Variants in IMMP2L observed in about 807,000 individuals in gnomAD.
IMMP2L encodes inner mitochondrial membrane peptidase subunit 2.
A neutral mutation model predicts 19.3 loss-of-function variants in IMMP2L; 18 were observed. That is an observed-to-expected ratio of 0.93 (90% CI 0.64 to 1.38). The LOEUF is 1.38. Ranked by LOEUF, IMMP2L falls within the 40% of genes most tolerant of loss-of-function variation. The probability of loss-of-function intolerance (pLI) is 0.00; values close to 1 mark genes in which losing one functional copy is unlikely to be tolerated. For missense variants in IMMP2L, 233 were observed against 218.2 expected, an observed-to-expected ratio of 1.07 and a Z score of -0.43; for synonymous variants, 76 against 73.0, an observed-to-expected ratio of 1.04 and a Z score of -0.21.
At chr7:111,369,582 T>C (rs538531512) in intron 3 of IMMP2L, among the ~76,000 whole-genome samples, 17 of 151,978 alleles carry the variant, frequency 1.1e-4, no homozygotes, top group African/African-American at 4.1e-4. Context: ...GAAACCAATA[T>C]ATCAATAGAA....
At chr7:111,203,127 T>A (rs530374647) in intron 3 of IMMP2L, among the ~76,000 whole-genome samples, 1 of 152,172 alleles carries the variant, frequency 6.6e-6, no homozygotes, top group Non-Finnish European at 1.5e-5. Context: ...TTCAAAGGGA[T>A]GATAGTTCAT....
intron 5 of IMMP2L, among the ~76,000 whole-genome samples, chr7:110,829,949 A>G (rs1402490056): frequency 6.6e-6 from 1 of 152,168 alleles, no homozygotes; most frequent in Non-Finnish European, 1.5e-5. Flanking sequence ...CCAAAGAGAA[A>G]GGATATTATG....
chr7:111,371,083 T>C (rs1384318296), intron 3 of IMMP2L, among the ~76,000 whole-genome samples: 4 of 151,918 alleles, frequency 2.6e-5, no homozygotes, highest in South Asian at 4.1e-4. Flanking sequence ...TGCCAGGTGA[T>C]GGAGGGGCTA....
chr7:111,353,997 T>G (rs1171006442), intron 3 of IMMP2L, among the ~76,000 whole-genome samples: 4 of 152,030 alleles, frequency 2.6e-5, no homozygotes, highest in African/African-American at 9.7e-5. Context: ...TAAGGAGACA[T>G]ATAATTGAAG....
Position 111,023,528 on chromosome 7 carries a change from T to TG in IMMP2L, c.240-59964dup, listed in dbSNP as rs111400798. 5.5e-4 allele frequency among the ~76,000 whole-genome samples: 79 copies of TG among 143,134 alleles called. 1 individual carries two copies. The highest frequency in any genetic ancestry group is 1.9e-3 in the African/African-American group (74 of 38,218). The allele number at this position is 143,134 out of a possible 152,430, so 93.9% of individuals were successfully genotyped here. A position where few individuals can be genotyped will look rare whatever the true frequency, so the allele number is the denominator to read the frequency against. On this transcript the variant is annotated intron_variant, in intron 3 of 5. Transcript: ENST00000405709. Reference sequence around the variant, plus strand: ...CCAGCCTGGCCAAATCGTGAAACCCTGTCTACTAAAAATACAAAAAAAAAA... The same window carrying TG: ...CCAGCCTGGCCAAATCGTGAAACCCTGGTCTACTAAAAATACAAAAAAAAAA...
chr7:111,404,685 C>G (rs1021466419), intron 3 of IMMP2L, among the ~76,000 whole-genome samples: 1 of 152,040 alleles, frequency 6.6e-6, no homozygotes, highest in African/African-American at 2.4e-5. Context: ...TCCCAACACC[C>G]TAAAAATAAA....
rs140805511 is a variant in IMMP2L at position 110,749,445 on chromosome 7, C to T, written c.409-85724G>A. ...ATTATACTATAAAGACACATGCAAA[C>T]GTTATGTTTATTGTGGCACTGTTCA... is the stretch of plus-strand genomic sequence containing the variant. On this transcript the variant is annotated intron_variant, in intron 5 of 5. Transcript: ENST00000405709. Among the ~76,000 whole-genome samples the T allele has an allele frequency of 1.1e-3, 172 of 152,138 alleles. 1 individual carries two copies. The highest frequency in any genetic ancestry group is 3.8e-3 in the African/African-American group (158 of 41,510).
intron 5 of IMMP2L, among the ~76,000 whole-genome samples, chr7:110,781,230 T>C (rs1799719224): frequency 6.6e-6 from 1 of 151,878 alleles, no homozygotes; most frequent in South Asian, 2.1e-4. Context: ...ATTTATTAAA[T>C]TGGGAGTTGA....
chr7:110,965,214 A>C (rs768189884), intron 3 of IMMP2L, among the ~76,000 whole-genome samples: 2 of 152,054 alleles, frequency 1.3e-5, no homozygotes, highest in Non-Finnish European at 2.9e-5. Context: ...ATGATCATTT[A>C]ATATGTATTT....
At chr7:111,340,650 A>T (rs1199887574) in intron 3 of IMMP2L, among the ~76,000 whole-genome samples, 1 of 152,130 alleles carries the variant, frequency 6.6e-6, no homozygotes, top group Non-Finnish European at 1.5e-5. Context: ...GGAAAGTTCA[A>T]GCATTTGTAA....
rs567015151 is a variant in IMMP2L at position 110,817,817 on chromosome 7, C to A, written c.408+68776G>T. Among the ~76,000 whole-genome samples, 5 of 152,258 alleles carry A rather than the reference C, an allele frequency of 3.3e-5. No individual in the cohort carries two copies. In the East Asian group the frequency reaches 9.7e-4, roughly 30 times the overall value. ...CCTCAGAAATAACGCCGCATATCTA[C>A]AACCATCTGATCTTTGACAAACCTG... On this transcript the variant is annotated intron_variant, in intron 5 of 5. Coordinates refer to ENST00000405709, the MANE Select transcript of IMMP2L (RefSeq NM_032549.4).
intron 3 of IMMP2L, among the ~76,000 whole-genome samples, chr7:111,266,934 A>T (rs1292646190): frequency 6.6e-6 from 1 of 152,120 alleles, no homozygotes. Context: ...TCAGATGAAG[A>T]AAGCAAAGTC....
rs537369556 is a variant in IMMP2L at position 110,802,541 on chromosome 7, G to A, written c.408+84052C>T. Among the ~76,000 whole-genome samples the A allele has an allele frequency of 1.7e-4, 26 of 152,032 alleles. 1 individual carries two copies. In the South Asian group the frequency reaches 2.9e-3, roughly 17 times the overall value. On this transcript the variant is annotated intron_variant, in intron 5 of 5. Transcript: ENST00000405709. ...AATACTTAGACTATGAAGAACTCAT[G>A]TTCTTAGGAAAATAAGCATTCAAAT...
In IMMP2L at chr7:111,199,866, C is replaced by T. The variant is rs116101749; in HGVS notation, c.240-236301G>A. On this transcript the variant is annotated intron_variant, in intron 3 of 5. Coordinates refer to ENST00000405709, the MANE Select transcript of IMMP2L (RefSeq NM_032549.4). ...CATCAGTGGTTTACCTCTAAATGATCCAGTCCCTCCAGGAAACTGGGTGTA... is the reference window on the plus strand; with the variant it reads ...CATCAGTGGTTTACCTCTAAATGATTCAGTCCCTCCAGGAAACTGGGTGTA... Among the ~76,000 whole-genome samples, 375 of 152,190 alleles carry T rather than the reference C, an allele frequency of 2.5e-3. 2 individuals are homozygous for T. The highest frequency in any genetic ancestry group is 8.6e-3 in the African/African-American group (358 of 41,536).
chr7:110,858,258 TG>T (rs1479350718), intron 5 of IMMP2L, among the ~76,000 whole-genome samples: 2 of 152,106 alleles, frequency 1.3e-5, no homozygotes, highest in African/African-American at 4.8e-5. Flanking sequence ...CATTTGGGCT[TG>T]GGCTTGTTCT....
At chr7:110,670,548 G>T (rs936234950) in intron 5 of IMMP2L, among the ~76,000 whole-genome samples, 2 of 152,092 alleles carry the variant, frequency 1.3e-5, no homozygotes, top group Admixed American at 6.5e-5. Context: ...AAATTAGCCA[G>T]ATGCAGTGGC....
At chr7:111,509,933 C>T (rs1006788566) in intron 2 of IMMP2L, among the ~76,000 whole-genome samples, 4 of 152,136 alleles carry the variant, frequency 2.6e-5, no homozygotes, top group African/African-American at 7.2e-5. Context: ...CAGCATCCCT[C>T]TGAACTAGCA....
At chr7:110,855,169 T>A (rs1806632497) in intron 5 of IMMP2L, among the ~76,000 whole-genome samples, 1 of 151,802 alleles carries the variant, frequency 6.6e-6, no homozygotes, top group Non-Finnish European at 1.5e-5. Context: ...TGGGGAAAAA[T>A]TTATCTTAAA....
chr7:111,216,463 G>C (rs1413888072), intron 3 of IMMP2L, among the ~76,000 whole-genome samples: 1 of 152,070 alleles, frequency 6.6e-6, no homozygotes, highest in Admixed American at 6.5e-5. Context: ...TATGATTTAT[G>C]AATACAATGT....
Sources: allele counts gnomAD v4.1 joint callset (sites outside exome capture counted in the v4.1 genomes callset), GRCh38; gene constraint gnomAD v4.1.1; transcripts MANE v1.5; gene names NCBI Gene and HGNC (gene_info 2026-07-23, HGNC 2026-07-21).